Variants in NCOR2 observed in about 807,000 individuals in gnomAD.
NCOR2 encodes CTG repeat protein 26.
Under a neutral mutation model 262.9 loss-of-function variants are expected in NCOR2, and 81 were observed. That is an observed-to-expected ratio of 0.31 (90% CI 0.26 to 0.37). The LOEUF (loss-of-function observed/expected upper bound fraction) is 0.37. NCOR2 is among the 10% of genes least tolerant of loss of function. The pLI, the probability that NCOR2 is intolerant of heterozygous loss-of-function variation, is 1.00. For synonymous variants in NCOR2, 1,659 were observed against 1,559.3 expected, an observed-to-expected ratio of 1.06 and a Z score of -1.51; for missense variants, 3,385 against 3,621.4, an observed-to-expected ratio of 0.93 and a Z score of 1.68.
intron 16 of NCOR2, 149 bp downstream of exon 18, chr12:124,397,970 C>G: frequency 1.1e-6 from 1 of 876,090 alleles, no homozygotes; most frequent in Non-Finnish European, 1.8e-6. Context: ...GGTGACAAAC[C>G]TGAGAACAGC....
chr12:124,349,340 A>G (rs979586120), intron 28 of NCOR2, among the ~76,000 whole-genome samples: 18 of 152,172 alleles, frequency 1.2e-4, no homozygotes, highest in Non-Finnish European at 2.2e-4. Flanking sequence ...AGAGGGAATG[A>G]GCAACTGACA....
intron 1 of NCOR2, among the ~76,000 whole-genome samples, chr12:124,487,346 G>A (rs952855103): frequency 6.6e-6 from 1 of 152,236 alleles, no homozygotes; most frequent in Admixed American, 6.5e-5. Flanking sequence ...CCCTGTAAAA[G>A]AGGAACTCCC....
At chr12:124,555,417 C>T (rs1296065910) in intron 1 of NCOR2, among the ~76,000 whole-genome samples, 1 of 152,222 alleles carries the variant, frequency 6.6e-6, no homozygotes, top group African/African-American at 2.4e-5. Context: ...GGCACGGGGG[C>T]ATCCCGACCC....
chr12:124,524,244 G>T (rs1015493944), intron 1 of NCOR2, among the ~76,000 whole-genome samples: 2 of 152,148 alleles, frequency 1.3e-5, no homozygotes, highest in East Asian at 3.8e-4. Context: ...GCTTCTCTTG[G>T]AAAACCATCA....
intron 11 of NCOR2, among the ~76,000 whole-genome samples, chr12:124,425,620 G>A (rs1773803713): frequency 6.6e-6 from 1 of 152,178 alleles, no homozygotes; most frequent in African/African-American, 2.4e-5. Context: ...AGGGATGGAG[G>A]TCTCCTTCTG....
At chr12:124,355,701 T>C (rs764725693) in intron 23 of NCOR2, 130 bp from the exon 26 acceptor site, 7 of 1,317,274 alleles carry the variant, frequency 5.3e-6, no homozygotes, top group Non-Finnish European at 7.0e-6. Context: ...CACTCCTCTA[T>C]TGCCCTGCCT....
chr12:124,521,913 G>T (rs988997799), intron 1 of NCOR2, among the ~76,000 whole-genome samples: 60 of 152,272 alleles, frequency 3.9e-4, no homozygotes, highest in African/African-American at 1.4e-3. Context: ...AGCTACTCAG[G>T]AGGCTGAGGT....
chr12:124,415,413 C>T (rs2042805350), intron 13 of NCOR2, among the ~76,000 whole-genome samples: 1 of 152,236 alleles, frequency 6.6e-6, no homozygotes, highest in East Asian at 1.9e-4. Context: ...CTGAAGCTGC[C>T]GCTGATTTTC....
intron 16 of NCOR2, among the ~76,000 whole-genome samples, chr12:124,395,935 C>T (rs1195941032): frequency 6.6e-6 from 1 of 152,202 alleles, no homozygotes; most frequent in African/African-American, 2.4e-5. Flanking sequence ...ACAACAGCCA[C>T]ATGGAAACAA....
exon 46 of NCOR2, chr12:124,326,278 A>T: frequency 6.4e-7 from 1 of 1,564,814 alleles, no homozygotes; most frequent in East Asian, 2.4e-5. Context: ...GAGGAGACAG[A>T]GGGTGGCCGG....
At chr12:124,394,355 G>C (rs1469206425) in intron 16 of NCOR2, among the ~76,000 whole-genome samples, 1 of 152,212 alleles carries the variant, frequency 6.6e-6, no homozygotes, top group East Asian at 1.9e-4. Context: ...AAGTGATGGG[G>C]AGGTCGGTAT....
chr12:124,529,196 A>AAAAACAAAAAAAC (rs1555238614), intron 1 of NCOR2, among the ~76,000 whole-genome samples: 1 of 147,074 alleles, frequency 6.8e-6, no homozygotes, highest in East Asian at 2.0e-4. Flanking sequence ...AAAAAAAAAA[A>AAAAACAAAAAAAC]AAAAAACACT....
At chr12:124,343,399 T>C (rs1222026128) in intron 32 of NCOR2, among the ~76,000 whole-genome samples, 173 bp from the exon 35 acceptor site, 5 of 152,196 alleles carry the variant, frequency 3.3e-5, no homozygotes, top group African/African-American at 1.2e-4. Flanking sequence ...TGTGTTATAG[T>C]TTTTAAAAAA....
Position 124,495,084 on chromosome 12 carries a change from C to T in NCOR2, c.105+63G>A. ...CCCAGGAGAAAGGAAGGGGTGAAGA[C>T]TCAGTGGAATGGAAGAAGGGTCTCA... On this transcript the variant is annotated intron_variant, in intron 1 of 46. Transcript: ENST00000405201. This position sits in a 1 kb window ranked among gnomAD's most constrained non-coding sequence, Gnocchi z 4.4. 1.9e-6 allele frequency: 3 copies of T among 1,578,660 alleles called. No individual in the cohort carries two copies. Among genetic ancestry groups the T allele is most frequent in the Non-Finnish European group, 2.6e-6 (3 of 1,159,760 alleles).
Position 124,389,694 on chromosome 12 carries a change from C to G in NCOR2, c.1877-3807G>C, listed in dbSNP as rs1418358500. ...GGCTAGCCTCGCATTCCGGAGGGAT[C>G]CCGGGATTTGAGGAGCCTTTGCAGG... On this transcript the variant is annotated intron_variant, in intron 16 of 46. Coordinates refer to ENST00000405201, the Ensembl canonical transcript of NCOR2. This position sits in a 1 kb window ranked among gnomAD's most constrained non-coding sequence, Gnocchi z 4.4. Among the ~76,000 whole-genome samples the G allele has an allele frequency of 6.6e-6, 1 of 152,124 alleles. No homozygotes were observed. The highest frequency in any genetic ancestry group is 2.4e-5 in the African/African-American group (1 of 41,414).
exon 23 of NCOR2, chr12:124,356,652 G>A (rs762261186): frequency 5.1e-5 from 73 of 1,441,624 alleles, no homozygotes; most frequent in Admixed American, 6.0e-5. Flanking sequence ...CAGGTGGAGC[G>A]TAGGAGAAGG....
At chr12:124,358,310 CGTGT>C (rs1392259920) in intron 22 of NCOR2, among the ~76,000 whole-genome samples, 29 of 93,878 alleles carry the variant, frequency 3.1e-4, no homozygotes, top group African/African-American at 5.0e-4. Flanking sequence ...CGTGTATGTG[CGTGT>C]GTGTGAGTGC....
At chr12:124,556,850 C>CAA (rs11309290) in intron 1 of NCOR2, among the ~76,000 whole-genome samples, 3,466 of 128,884 alleles carry the variant, frequency 0.027, 138 homozygotes, top group African/African-American at 0.09. Flanking sequence ...CTCTTTGTCT[C>CAA]AAAAAAAAAA....
In NCOR2 at chr12:124,473,138, C is replaced by G; in HGVS notation, c.412-7G>C. On this transcript the variant is annotated splice_polypyrimidine_tract_variant and splice_region_variant and intron_variant, in intron 3 of 46. Transcript: ENST00000405201. ...TGCCCGTCAGGCTACGGTCCTGTGGCAGAAAAAAAACGGGCATGGGGTCAG... is the reference window on the plus strand; with the variant it reads ...TGCCCGTCAGGCTACGGTCCTGTGGGAGAAAAAAAACGGGCATGGGGTCAG... 5 of 1,612,766 alleles carry G rather than the reference C, an allele frequency of 3.1e-6. No homozygotes were observed. Among genetic ancestry groups the G allele is most frequent in the Non-Finnish European group, 4.2e-6 (5 of 1,179,774 alleles).
Sources: allele counts gnomAD v4.1 joint callset (sites outside exome capture counted in the v4.1 genomes callset), GRCh38; gene constraint gnomAD v4.1.1; non-coding constraint Gnocchi (gnomAD v3.1); transcripts MANE v1.5; gene names NCBI Gene and HGNC (gene_info 2026-07-23, HGNC 2026-07-21).